The following FBP2 variants were observed in gnomAD, a reference collection of about 807,000 sequenced individuals.
FBP2 encodes fructose-bisphosphatase 2.
Under a neutral mutation model 31.6 loss-of-function variants are expected in FBP2, and 27 were observed. The ratio of observed to expected loss-of-function variants is 0.85; its 90% CI spans 0.63 to 1.18. The LOEUF (loss-of-function observed/expected upper bound fraction) is 1.18, where lower values mean the gene tolerates loss of function less well. Among genes scored for constraint, FBP2 ranks in the 50% most tolerant of loss-of-function variants. FBP2 has a pLI of 0.00. For synonymous variants in FBP2, 168 were observed against 179.8 expected (o/e 0.93, Z 0.53); for missense variants, 421 against 436.1 (o/e 0.97, Z 0.31).
chr9:94,588,041 C>T (rs867338232), intron 1 of FBP2, among the ~76,000 whole-genome samples: 4 of 151,684 alleles, frequency 2.6e-5, no homozygotes, highest in African/African-American at 9.7e-5. Flanking sequence ...TTAGTAGAGA[C>T]GGGGTTTCAC....
intron 1 of FBP2, among the ~76,000 whole-genome samples, chr9:94,588,123 T>C (rs1827449386): frequency 6.6e-6 from 1 of 152,060 alleles, no homozygotes; most frequent in African/African-American, 2.4e-5. Flanking sequence ...AGTGCTGGGA[T>C]TACAGGCATG....
intron 3 of FBP2, chr9:94,577,654 A>T (rs958443485): frequency 1.3e-5 from 2 of 152,234 alleles, no homozygotes; most frequent in East Asian, 1.9e-4. Flanking sequence ...AAAGAAAAAA[A>T]CCCAAACTGC....
rs939574965 is a variant in FBP2, at chr9:94,587,374, G to T, written c.266C>A (p.Ser89Tyr). ...TGAGACCAGGACGCAGGTACTATAG[G>T]AGGATTGGACCATGTTGATCACCAG... ...NSLVINMVQS[S>Y]YSTCVLVSEE... The change falls in exon 2 of 7, where the codon TCC becomes TAC. Residue 89 changes from serine (S) to tyrosine (Y), a missense_variant. Physicochemically the swap from Ser to Tyr is moderately radical, Grantham distance 144. Coordinates refer to ENST00000375337, the MANE Select transcript of FBP2 (RefSeq NM_003837.4). 3 of 1,613,950 alleles carry T rather than the reference G, an allele frequency of 1.9e-6. No homozygotes were observed. Among genetic ancestry groups the T allele is most frequent in the Non-Finnish European group, 2.5e-6 (3 of 1,179,960 alleles).
chr9:94,572,945 T>C (rs1397780461), intron 3 of FBP2: 1 of 113,558 alleles, frequency 8.8e-6, no homozygotes, highest in Non-Finnish European at 1.8e-5. Flanking sequence ...CTAAACTCAC[T>C]AGTTCTAGAA....
chr9:94,561,352 ATTTTTTTTTTTTT>A (rs1174386595), intron 6 of FBP2, among the ~76,000 whole-genome samples: 3 of 54,990 alleles, frequency 5.5e-5, no homozygotes, highest in South Asian at 9.8e-4. Context: ...TGTGACCTGT[ATTTTTTTTTTTTT>A]TTTTTTTTTT....
rs1161809266 is a variant in FBP2, at chr9:94,587,242, G to A, written c.333+65C>T. The A allele has an allele frequency of 3.6e-6, 5 of 1,400,188 alleles. No homozygotes were observed. The East Asian group carries it at 1.2e-4, about 33-fold the overall frequency. The allele number at this position is 1,400,188 out of a possible 1,614,324, so 86.7% of individuals were successfully genotyped here. ...ATCCCGGGAATTAAAGAAAAGTAAG[G>A]CAGCTTATTTCCGGCTCAGTATCAT... On this transcript the variant is annotated intron_variant, in intron 2 of 6. Coordinates refer to ENST00000375337, the MANE Select transcript of FBP2 (RefSeq NM_003837.4).
intron 3 of FBP2, among the ~76,000 whole-genome samples, chr9:94,583,832 C>CA: frequency 6.6e-6 from 1 of 152,300 alleles, no homozygotes; most frequent in African/African-American, 2.4e-5. Flanking sequence ...CACCTAGCCT[C>CA]AAGGCCTCAA....
chr9:94,565,736 TGATAGATA>T (rs34525238), intron 5 of FBP2, among the ~76,000 whole-genome samples: 1 of 150,204 alleles, frequency 6.7e-6, no homozygotes, highest in Admixed American at 6.6e-5. Context: ...GGTAGATAGA[TGATAGATA>T]GATAGATAGA....
rs1240194154 is a variant in FBP2, at chr9:94,587,608, A to C, written c.171-139T>G. ...GTCTCCAAGTCACACGTGCAGAAGA[A>C]GGCGATTATGCCTGGCAGGATACCT... On this transcript the variant is annotated intron_variant, in intron 1 of 6. Transcript: ENST00000375337. 2.3e-5 allele frequency: 17 copies of C among 748,490 alleles called. 1 individual carries two copies. The highest frequency in any genetic ancestry group is 5.3e-5 in the African/African-American group (3 of 56,534). The allele number at this position is 748,490 out of a possible 1,614,324, so 46.4% of individuals were successfully genotyped here.
At chr9:94,565,770 TGATAGATAGATA>T (rs34303194) in intron 5 of FBP2, among the ~76,000 whole-genome samples, 21 of 148,152 alleles carry the variant, frequency 1.4e-4, no homozygotes, top group South Asian at 4.3e-4. Context: ...GATACATAGA[TGATAGATAGATA>T]GATAGATGAT....
At chr9:94,589,956 T>C (rs635108) in intron 1 of FBP2, among the ~76,000 whole-genome samples, 73,805 of 152,006 alleles carry the variant, frequency 0.49, 18,486 homozygotes, top group East Asian at 0.61. Flanking sequence ...GGAATCTGAA[T>C]GCGCTTGCCA....
At chr9:94,561,872 G>A (rs1827110195) in intron 6 of FBP2, among the ~76,000 whole-genome samples, 1 of 152,168 alleles carries the variant, frequency 6.6e-6, no homozygotes, top group African/African-American at 2.4e-5. Context: ...ATCTATCTAT[G>A]GAGTGACATG....
chr9:94,562,695 A>T (rs1827126656), intron 6 of FBP2, among the ~76,000 whole-genome samples: 1 of 152,168 alleles, frequency 6.6e-6, no homozygotes, highest in Non-Finnish European at 1.5e-5. Context: ...TAAAATTCAG[A>T]TGCATTTTTA....
chr9:94,561,449 G>A (rs893424848), intron 6 of FBP2, among the ~76,000 whole-genome samples: 5 of 133,118 alleles, frequency 3.8e-5, no homozygotes, highest in African/African-American at 5.7e-5. Context: ...TGCAAGCTCC[G>A]CCTCCCAGGT....
intron 4 of FBP2, 93 bp downstream of exon 4, chr9:94,571,369 G>T: frequency 7.7e-7 from 1 of 1,297,548 alleles, no homozygotes; most frequent in Non-Finnish European, 1.0e-6. Context: ...ACAAGTATTA[G>T]GAATAACCAG....
intron 1 of FBP2, among the ~76,000 whole-genome samples, chr9:94,592,183 AT>A (rs1045552094): frequency 6.6e-6 from 1 of 152,176 alleles, no homozygotes; most frequent in Non-Finnish European, 1.5e-5. Flanking sequence ...AGGCGATTAA[AT>A]GCAGAGCGTG....
At chr9:94,575,241 G>C (rs1827305138) in intron 3 of FBP2, among the ~76,000 whole-genome samples, 1 of 152,062 alleles carries the variant, frequency 6.6e-6, no homozygotes, top group Non-Finnish European at 1.5e-5. Flanking sequence ...CAGCAACCTA[G>C]TGGACTTTAA....
rs780620565 is a variant in FBP2 at position 94,584,623 on chromosome 9, A to G, written c.380T>C (p.Ile127Thr). ...GGTTCCGATGGAGGCCAGGCAGTCA[A>G]TATTGGAAGATCCATCCAGTGGGTC... ...CFDPLDGSSN[I>T]DCLASIGTIF... Residue 127 changes from isoleucine to threonine, a missense_variant, in exon 3 of 7, where the codon ATT becomes ACT. Ile to Thr is a moderately conservative substitution (Grantham distance 89). Coordinates refer to ENST00000375337, the MANE Select transcript of FBP2 (RefSeq NM_003837.4). 2.5e-6 allele frequency: 4 copies of G among 1,613,960 alleles called. No individual in the cohort carries two copies. The highest frequency in any genetic ancestry group is 2.2e-5 in the South Asian group (2 of 91,074).
chr9:94,567,807 T>A (rs1441977725), intron 4 of FBP2: 1 of 177,672 alleles, frequency 5.6e-6, no homozygotes, highest in African/African-American at 2.4e-5. Context: ...AGTTACATTG[T>A]CGTATGAGGG....
Sources: allele counts gnomAD v4.1 joint callset (sites outside exome capture counted in the v4.1 genomes callset), GRCh38; gene constraint gnomAD v4.1.1; transcripts MANE v1.5; gene names NCBI Gene and HGNC (gene_info 2026-07-23, HGNC 2026-07-21).